CSMD1: variants seen among roughly 807,000 people sequenced by gnomAD.
CSMD1 encodes CUB and Sushi multiple domains 1.
A neutral mutation model predicts 417.5 loss-of-function variants in CSMD1; 213 were observed. The observed-to-expected ratio is 0.51, with a 90% CI of 0.46 to 0.57. CSMD1 has a LOEUF of 0.57. Among genes scored for constraint, CSMD1 ranks in the 20% least tolerant of loss-of-function variants. CSMD1 has a pLI of 0.00. For missense variants in CSMD1, 6,923 were observed against 4,529.7 expected (o/e 1.53, Z -15.17); for synonymous variants, 2,862 against 1,736.8 (o/e 1.65, Z -16.11).
intron 3 of CSMD1, among the ~76,000 whole-genome samples, chr8:4,402,115 T>G (rs1203357509): frequency 6.6e-6 from 1 of 152,064 alleles, no homozygotes; most frequent in Admixed American, 6.6e-5. Context: ...GAACTTGTCT[T>G]CCATTCTCTT....
intron 3 of CSMD1, among the ~76,000 whole-genome samples, chr8:4,152,129 A>C (rs1796600221): frequency 6.6e-6 from 1 of 152,200 alleles, no homozygotes; most frequent in South Asian, 2.1e-4. Flanking sequence ...GTATAGAAAA[A>C]TATCAACGAT....
chr8:4,383,947 T>A (rs938814648), intron 3 of CSMD1, among the ~76,000 whole-genome samples: 4 of 152,204 alleles, frequency 2.6e-5, no homozygotes, highest in Non-Finnish European at 5.9e-5. Context: ...TGCGTTCTCT[T>A]TTATGGAAAC....
intron 12 of CSMD1, among the ~76,000 whole-genome samples, chr8:3,443,220 T>C (rs1815101826): frequency 1.3e-5 from 2 of 152,162 alleles, no homozygotes. Context: ...TGTCAGACTA[T>C]TTCTTATAGC....
chr8:4,145,599 G>C (rs1194214702), intron 3 of CSMD1, among the ~76,000 whole-genome samples: 2 of 150,754 alleles, frequency 1.3e-5, no homozygotes, highest in African/African-American at 2.5e-5. Context: ...ATGTTGCATG[G>C]GCTAGTGTCA....
intron 37 of CSMD1, among the ~76,000 whole-genome samples, chr8:3,173,301 A>T (rs570916072): frequency 6.6e-6 from 1 of 152,336 alleles, no homozygotes; most frequent in South Asian, 2.1e-4. Flanking sequence ...TCACATTCCC[A>T]GACGAGGCTC....
At chr8:4,864,145 A>G (rs1802292834) in intron 1 of CSMD1, among the ~76,000 whole-genome samples, 1 of 151,932 alleles carries the variant, frequency 6.6e-6, no homozygotes. Flanking sequence ...TATTAAATTG[A>G]TCACTTCTGT....
chr8:3,557,503 T>C (rs561081141), intron 10 of CSMD1, among the ~76,000 whole-genome samples: 1 of 151,734 alleles, frequency 6.6e-6, no homozygotes, highest in South Asian at 2.1e-4. Flanking sequence ...TGTCTCATTA[T>C]GCACCATTAA....
chr8:3,500,915 T>G (rs1276172825), intron 10 of CSMD1, among the ~76,000 whole-genome samples: 1 of 152,154 alleles, frequency 6.6e-6, no homozygotes, highest in Non-Finnish European at 1.5e-5. Context: ...CAGAGAGGAT[T>G]TTTTCTTTTA....
At chr8:3,777,192 G>C (rs370544363) in intron 5 of CSMD1, among the ~76,000 whole-genome samples, 1 of 150,922 alleles carries the variant, frequency 6.6e-6, no homozygotes, top group Non-Finnish European at 1.5e-5. Flanking sequence ...TCTGTTACTT[G>C]TTATATTATG....
chr8:3,341,817 A>G (rs1807676259), intron 23 of CSMD1, among the ~76,000 whole-genome samples: 2 of 152,324 alleles, frequency 1.3e-5, no homozygotes, highest in South Asian at 4.1e-4. Flanking sequence ...CTTCTCAAGT[A>G]TCTGTGTTCC....
At chr8:4,989,292 A>T (rs1445730350) in intron 1 of CSMD1, among the ~76,000 whole-genome samples, 4 of 152,058 alleles carry the variant, frequency 2.6e-5, no homozygotes, top group Admixed American at 1.3e-4. Flanking sequence ...AAAAAAAAAA[A>T]TCTGCCCCTG....
intron 17 of CSMD1, among the ~76,000 whole-genome samples, chr8:3,391,820 T>C (rs2116832622): frequency 6.6e-6 from 1 of 152,322 alleles, no homozygotes; most frequent in East Asian, 1.9e-4. Context: ...TGGGCCTCTA[T>C]GGGCATGAAG....
chr8:4,585,212 C>T (rs967811783), intron 2 of CSMD1, among the ~76,000 whole-genome samples: 9 of 151,766 alleles, frequency 5.9e-5, no homozygotes, highest in Non-Finnish European at 8.8e-5. Flanking sequence ...TAAAGAGCAC[C>T]ATAAAGAACA....
At chr8:3,589,059 T>C (rs1800728539) in intron 8 of CSMD1, among the ~76,000 whole-genome samples, 1 of 152,140 alleles carries the variant, frequency 6.6e-6, no homozygotes, top group Admixed American at 6.5e-5. Flanking sequence ...AGATGGCTAT[T>C]ATCAAAAAGA....
chr8:3,544,675 G>C (rs1488228430), intron 10 of CSMD1, among the ~76,000 whole-genome samples: 1 of 152,114 alleles, frequency 6.6e-6, no homozygotes, highest in East Asian at 1.9e-4. Flanking sequence ...GACTTGCCTG[G>C]AGCTATTCAG....
chr8:4,939,279 T>TGATGCAGCAATCCTACTGGG (rs1164731729), intron 1 of CSMD1, among the ~76,000 whole-genome samples: 1 of 152,238 alleles, frequency 6.6e-6, no homozygotes, highest in African/African-American at 2.4e-5. Flanking sequence ...AACAACCATA[T>TGATGCAGCAATCCTACTGGG]GATGCAGCAA....
intron 3 of CSMD1, among the ~76,000 whole-genome samples, chr8:4,365,652 G>A (rs1802026920): frequency 6.6e-6 from 1 of 152,146 alleles, no homozygotes; most frequent in Non-Finnish European, 1.5e-5. Flanking sequence ...TTTAACAGTT[G>A]CTTCCTGTGG....
At chr8:3,354,905 A>G (rs1168457977) in intron 21 of CSMD1, among the ~76,000 whole-genome samples, 3 of 144,644 alleles carry the variant, frequency 2.1e-5, no homozygotes, top group African/African-American at 8.6e-5. Flanking sequence ...CTATAGATCT[A>G]TCTATAGATA....
At chr8:3,301,450 A>G (rs1002802335) in intron 25 of CSMD1, among the ~76,000 whole-genome samples, 1 of 152,198 alleles carries the variant, frequency 6.6e-6, no homozygotes, top group African/African-American at 2.4e-5. Flanking sequence ...TTAGTACAGA[A>G]GGAAGGTAAC....
Sources: allele counts gnomAD v4.1 joint callset (sites outside exome capture counted in the v4.1 genomes callset), GRCh38; gene constraint gnomAD v4.1.1; transcripts MANE v1.5; gene names NCBI Gene and HGNC (gene_info 2026-07-23, HGNC 2026-07-21).